Variants in GPR158 observed in about 807,000 individuals in gnomAD.
GPR158 encodes the protein metabotropic glycine receptor.
GPR158 carries 30 observed loss-of-function variants against 78.2 expected under a neutral mutation model. The ratio of observed to expected loss-of-function variants is 0.38; its 90% CI spans 0.29 to 0.52. The LOEUF is 0.52. Ranked by LOEUF, GPR158 falls within the 20% of genes least tolerant of loss-of-function variation. The probability of loss-of-function intolerance (pLI) is 0.83; values close to 1 mark genes in which losing one functional copy is unlikely to be tolerated. For missense variants in GPR158, 1,463 were observed against 1,523.5 expected, an observed-to-expected ratio of 0.96 and a Z score of 0.66; for synonymous variants, 581 against 591.1, an observed-to-expected ratio of 0.98 and a Z score of 0.25.
At chr10:25,240,172 T>C (rs1330972808) in intron 2 of GPR158, among the ~76,000 whole-genome samples, 1 of 146,980 alleles carries the variant, frequency 6.8e-6, no homozygotes, top group Admixed American at 6.7e-5. Context: ...TCAAATGAAT[T>C]TGGCACCATA....
chr10:25,468,529 A>G (rs555257033), intron 5 of GPR158, among the ~76,000 whole-genome samples: 1 of 152,310 alleles, frequency 6.6e-6, no homozygotes, highest in Non-Finnish European at 1.5e-5. Context: ...ATATACAAGT[A>G]AGTATCGCTT....
intron 2 of GPR158, among the ~76,000 whole-genome samples, chr10:25,277,589 C>T (rs1450012363): frequency 6.6e-6 from 1 of 152,000 alleles, no homozygotes; most frequent in Non-Finnish European, 1.5e-5. Flanking sequence ...AGGACATAAC[C>T]AAGTGTGGGA....
chr10:25,209,856 A>G (rs995287882), intron 1 of GPR158, among the ~76,000 whole-genome samples: 3 of 152,150 alleles, frequency 2.0e-5, no homozygotes, highest in African/African-American at 7.2e-5. Flanking sequence ...ATTGTGGTAG[A>G]TTTGCCAAAT....
chr10:25,401,837 G>A (rs557655889), intron 3 of GPR158, among the ~76,000 whole-genome samples: 11 of 151,980 alleles, frequency 7.2e-5, no homozygotes, highest in South Asian at 4.1e-4. Flanking sequence ...TTTTGCTTCC[G>A]TGTTTTCTTT....
chr10:25,253,846 A>G lies in GPR158; in HGVS notation c.1008+32689A>G, dbSNP rs557886266. Among the ~76,000 whole-genome samples, 3 of 152,338 alleles carry G rather than the reference A, an allele frequency of 2.0e-5. 1 individual carries two copies. In the South Asian group the frequency reaches 6.2e-4, roughly 32 times the overall value. On this transcript the variant is annotated intron_variant, in intron 2 of 10. Transcript: ENST00000376351. Reference sequence around the variant, plus strand: ...AATTTGCCTTGGGACAAAACCAGCAAACCAAATATTGTCCACTGCTCTTTG... The same window carrying G: ...AATTTGCCTTGGGACAAAACCAGCAGACCAAATATTGTCCACTGCTCTTTG...
At chr10:25,238,439 T>G (rs771021444) in intron 2 of GPR158, among the ~76,000 whole-genome samples, 14 of 152,252 alleles carry the variant, frequency 9.2e-5, no homozygotes, top group South Asian at 2.1e-4. Flanking sequence ...CATAATTTAA[T>G]GTATCTGGAA....
chr10:25,254,835 T>C (rs1208051938), intron 2 of GPR158, among the ~76,000 whole-genome samples: 1 of 152,222 alleles, frequency 6.6e-6, no homozygotes, highest in Admixed American at 6.5e-5. Context: ...CTTTCTCACC[T>C]TGGAAGTATC....
chr10:25,320,022 C>T (rs1374195097), intron 2 of GPR158, among the ~76,000 whole-genome samples: 3 of 152,192 alleles, frequency 2.0e-5, no homozygotes, highest in Admixed American at 1.3e-4. Flanking sequence ...ATCCAACCCC[C>T]TCAAGTCACA....
chr10:25,350,648 TATTGGCAGG>T (rs1165968514), intron 2 of GPR158, among the ~76,000 whole-genome samples: 1 of 151,984 alleles, frequency 6.6e-6, no homozygotes, highest in East Asian at 1.9e-4. Flanking sequence ...GGGAGGGGTG[TATTGGCAGG>T]GAAGCTATAC....
rs568157757 is a variant in GPR158, at chr10:25,241,429, T to C, written c.1008+20272T>C. ...CTCTTCTCTTTTCTTTTCTTTTCTT[T>C]TCTTTTCTTTCGACAGAGTCTTGCT... On this transcript the variant is annotated intron_variant, in intron 2 of 10. Coordinates refer to ENST00000376351, the MANE Select transcript of GPR158 (RefSeq NM_020752.3). Among the ~76,000 whole-genome samples, 214 of 133,148 alleles carry C rather than the reference T, an allele frequency of 1.6e-3. 4 individuals carry two copies. Among genetic ancestry groups the C allele is most frequent in the African/African-American group, 6.9e-3 (199 of 28,994 alleles). 87.4% of individuals were successfully genotyped at this position (133,148 alleles called of 152,430 possible). A position where few individuals can be genotyped will look rare whatever the true frequency, so the allele number is the denominator to read the frequency against.
chr10:25,578,735 C>T (rs865919640), intron 7 of GPR158, among the ~76,000 whole-genome samples: 61 of 152,278 alleles, frequency 4.0e-4, no homozygotes, highest in African/African-American at 1.4e-3. Context: ...TGGCCTGGCA[C>T]GGTGGCTCAC....
rs1837440225 is a variant in GPR158, at chr10:25,598,341, C to T, written c.2715C>T (p.Val905=). 2 of 1,613,970 alleles carry T rather than the reference C, an allele frequency of 1.2e-6. No individual in the cohort carries two copies. The highest frequency in any genetic ancestry group is 2.7e-5 in the African/African-American group (2 of 74,912). ...CGATGTTACAGAAGTCTCTCAGTGT[C>T]ATAGCAAGCGCCAAGGAGAAGACTC... The part of the protein sequence containing the change: ...RTSMLQKSLS[V]IASAKEKTLG... Residue 905 remains valine, a synonymous_variant, in exon 11 of 11, where the codon GTC becomes GTT. Transcript: ENST00000376351.
In GPR158 at chr10:25,366,787, A is replaced by G. The variant is rs1258202240; in HGVS notation, c.1009-29124A>G. ...TACTCTCTGCTTCTGTGAATTTGAC[A>G]CTTTTAGATTGTGTATTGATTAAAT... On this transcript the variant is annotated intron_variant, in intron 2 of 10. Coordinates refer to ENST00000376351, the MANE Select transcript of GPR158 (RefSeq NM_020752.3). 4.0e-5 allele frequency among the ~76,000 whole-genome samples: 6 copies of G among 151,530 alleles called. No homozygotes were observed. In the South Asian group the frequency reaches 1.0e-3, roughly 26 times the overall value.
Position 25,602,052 on chromosome 10 carries a change from C to A in GPR158, c.*2778C>A, listed in dbSNP as rs578024007. ...CCTTTTGACTTCTAGCATTTAGCAA[C>A]CGAGAGTCGTAGAGTCAATAAAGCT... On this transcript the variant is annotated 3_prime_UTR_variant, in exon 11 of 11. Transcript: ENST00000376351. 1.3e-5 allele frequency: 2 copies of A among 152,356 alleles called. No homozygotes were observed. Among genetic ancestry groups the A allele is most frequent in the Admixed American group, 1.3e-4 (2 of 15,178 alleles). 9.4% of individuals were successfully genotyped at this position (152,356 alleles called of 1,614,324 possible).
chr10:25,586,788 A>G (rs9299793), intron 7 of GPR158, among the ~76,000 whole-genome samples: 91,536 of 151,950 alleles, frequency 0.6, 29,185 homozygotes, highest in African/African-American at 0.81. Flanking sequence ...GACAAGTCCC[A>G]ATATGATCAA....
chr10:25,267,642 G>T (rs966783241), intron 2 of GPR158, among the ~76,000 whole-genome samples: 2 of 152,096 alleles, frequency 1.3e-5, no homozygotes, highest in Non-Finnish European at 2.9e-5. Flanking sequence ...GAAGTTCAAA[G>T]CTTCACCATA....
intron 4 of GPR158, among the ~76,000 whole-genome samples, chr10:25,423,020 G>C (rs563101429): frequency 6.6e-6 from 1 of 151,910 alleles, no homozygotes; most frequent in African/African-American, 2.4e-5. Flanking sequence ...AGGTTGCTGC[G>C]AATGCCATTG....
At chr10:25,388,333 G>A (rs1210567064) in intron 2 of GPR158, among the ~76,000 whole-genome samples, 1 of 152,208 alleles carries the variant, frequency 6.6e-6, no homozygotes, top group African/African-American at 2.4e-5. Flanking sequence ...GTCCTCTGTG[G>A]CCTGAGTCCC....
intron 3 of GPR158, among the ~76,000 whole-genome samples, chr10:25,405,656 G>A (rs1415338023): frequency 6.6e-6 from 1 of 151,552 alleles, no homozygotes; most frequent in East Asian, 1.9e-4. Context: ...CAGCAGTTGA[G>A]TTATGATCAA....
Sources: gnomAD v4.1 joint callset for allele counts (sites outside exome capture counted in the v4.1 genomes callset) on GRCh38, gnomAD v4.1.1 for gene constraint, MANE v1.5 for transcripts, NCBI Gene and HGNC (gene_info 2026-07-23, HGNC 2026-07-21) for gene names.